Variants in EBF2 observed in about 807,000 individuals in gnomAD.
The protein encoded by EBF2 is transcription factor COE2.
EBF2 carries 21 observed loss-of-function variants against 72.8 expected under a neutral mutation model. The observed-to-expected ratio is 0.29, with a 90% CI of 0.20 to 0.42. The LOEUF (loss-of-function observed/expected upper bound fraction) is 0.42, where lower values mean the gene tolerates loss of function less well. EBF2 is among the 10% of genes least tolerant of loss of function. The probability of loss-of-function intolerance (pLI) is 1.00; values close to 1 mark genes in which losing one functional copy is unlikely to be tolerated. For synonymous variants in EBF2, 299 were observed against 274.2 expected (o/e 1.09, Z -0.89); for missense variants, 637 against 731.2 (o/e 0.87, Z 1.49).
In EBF2 at chr8:25,992,333, C is replaced by CAAA. The variant is rs36020598; in HGVS notation, c.551+40749_551+40751dup. Among the ~76,000 whole-genome samples the CAAA allele has an allele frequency of 5.1e-3, 263 of 51,708 alleles. 3 individuals are homozygous for CAAA. The highest frequency in any genetic ancestry group is 0.016 in the Middle Eastern group (1 of 64). The allele number at this position is 51,708 out of a possible 152,430, so 33.9% of individuals were successfully genotyped here. On this transcript the variant is annotated intron_variant, in intron 6 of 15. Transcript: ENST00000520164. Reference sequence around the variant, plus strand: ...TGGGCAACAGCGTGAGACTCTGTCTCAAAAAAAAAAAAAAAAAAAAAAAAG... The same window carrying CAAA: ...TGGGCAACAGCGTGAGACTCTGTCTCAAAAAAAAAAAAAAAAAAAAAAAAAAAG...
At chr8:26,019,779 AG>A (rs1223749358) in intron 6 of EBF2, among the ~76,000 whole-genome samples, 1 of 152,202 alleles carries the variant, frequency 6.6e-6, no homozygotes, top group East Asian at 1.9e-4. Flanking sequence ...TCTAAGCCAA[AG>A]CCATCTCCCA....
chr8:25,861,802 A>G (rs1348555745), intron 11 of EBF2, among the ~76,000 whole-genome samples: 1 of 152,248 alleles, frequency 6.6e-6, no homozygotes, highest in African/African-American at 2.4e-5. Flanking sequence ...TACTGAAATT[A>G]TCTTGGCAAC....
rs140408688 is a variant in EBF2, at chr8:25,990,117, C to T, written c.551+42968G>A. ...ACATCTTACTGAAACTCCAGTTTTA[C>T]ACAGCCAGTCATGTTACATAAAAAA... On this transcript the variant is annotated intron_variant, in intron 6 of 15. Coordinates refer to ENST00000520164, the MANE Select transcript of EBF2 (RefSeq NM_022659.4). 3.6e-3 allele frequency among the ~76,000 whole-genome samples: 547 copies of T among 152,128 alleles called. 3 individuals carry two copies. The highest frequency in any genetic ancestry group is 2.4e-3 in the Non-Finnish European group (164 of 67,984).
chr8:25,946,801 TTTTG>T (rs1309937969), intron 6 of EBF2, among the ~76,000 whole-genome samples: 3 of 152,202 alleles, frequency 2.0e-5, no homozygotes, highest in Non-Finnish European at 2.9e-5. Flanking sequence ...CATCATTTCT[TTTTG>T]TTTTTCAATA....
At chr8:25,864,322 C>T (rs1468602892) in intron 10 of EBF2, among the ~76,000 whole-genome samples, 1 of 152,116 alleles carries the variant, frequency 6.6e-6, no homozygotes, top group Non-Finnish European at 1.5e-5. Context: ...ATGTTAATTT[C>T]TTCTTTTATA....
In EBF2 at chr8:25,899,135, C is replaced by G. The variant is rs550920698; in HGVS notation, c.634-9266G>C. 2.0e-3 allele frequency among the ~76,000 whole-genome samples: 299 copies of G among 152,204 alleles called. 6 individuals are homozygous for G. The highest frequency in any genetic ancestry group is 3.7e-3 in the South Asian group (18 of 4,814). On this transcript the variant is annotated intron_variant, in intron 7 of 15. Transcript: ENST00000520164. ...AGACACCAAAATTTAGGGGTGGAGG[C>G]AGCAGAAGGTTCTAACAGCAGAGAA...
intron 1 of EBF2, 69 bp from the exon 2 acceptor site, chr8:26,042,320 C>T: frequency 1.3e-6 from 2 of 1,535,872 alleles, no homozygotes; most frequent in Non-Finnish European, 8.8e-7. Flanking sequence ...TACTAACCGC[C>T]CACAACACTG....
At chr8:26,011,283 T>C (rs1277279656) in intron 6 of EBF2, among the ~76,000 whole-genome samples, 1 of 152,228 alleles carries the variant, frequency 6.6e-6, no homozygotes, top group Non-Finnish European at 1.5e-5. Context: ...TAGGTTGCGT[T>C]TGTGAAACAA....
At chr8:26,010,581 G>A (rs569515105) in intron 6 of EBF2, among the ~76,000 whole-genome samples, 1 of 152,346 alleles carries the variant, frequency 6.6e-6, no homozygotes, top group African/African-American at 2.4e-5. Flanking sequence ...TGAGCACCGA[G>A]AGGAGCACAA....
intron 6 of EBF2, among the ~76,000 whole-genome samples, chr8:26,000,507 CATAA>C (rs1804706544): frequency 6.6e-6 from 1 of 152,156 alleles, no homozygotes; most frequent in African/African-American, 2.4e-5. Flanking sequence ...CCTGTTGACA[CATAA>C]ATAAACTCAC....
intron 11 of EBF2, among the ~76,000 whole-genome samples, chr8:25,861,617 C>CA (rs58809059): frequency 0.17 from 25,685 of 151,912 alleles, 2,746 homozygotes; most frequent in African/African-American, 0.3. Context: ...GTTACCAAAA[C>CA]AAAAAACAAC....
chr8:25,922,580 ATTAAG>A (rs1451900064), intron 6 of EBF2, among the ~76,000 whole-genome samples: 1 of 152,260 alleles, frequency 6.6e-6, no homozygotes, highest in Non-Finnish European at 1.5e-5. Context: ...AGATATCATT[ATTAAG>A]TCAACACACT....
chr8:25,938,943 T>A (rs1173791653), intron 6 of EBF2, among the ~76,000 whole-genome samples: 1 of 152,070 alleles, frequency 6.6e-6, no homozygotes, highest in Non-Finnish European at 1.5e-5. Context: ...GGACTGTTGC[T>A]CTTCTTCCTC....
In EBF2 at chr8:25,993,492, T is replaced by A. The variant is rs541070750; in HGVS notation, c.551+39593A>T. On this transcript the variant is annotated intron_variant, in intron 6 of 15. Coordinates refer to ENST00000520164, the MANE Select transcript of EBF2 (RefSeq NM_022659.4). ...TCTCAATTTCATTCACTGCTTTCCA[T>A]CTATACTGCCACCCTCCTGGTCTGA... Among the ~76,000 whole-genome samples the A allele has an allele frequency of 5.9e-5, 9 of 152,354 alleles. No homozygotes were observed. In the South Asian group the frequency reaches 1.4e-3, roughly 25 times the overall value.
At chr8:26,041,168 T>G (rs1300990005) in intron 2 of EBF2, 166 bp from the exon 3 acceptor site, 1 of 736,570 alleles carries the variant, frequency 1.4e-6, no homozygotes, top group Non-Finnish European at 2.2e-6. Flanking sequence ...CTGCCTGTCC[T>G]TGGCCGCCCC....
At chr8:26,005,171 G>A (rs779782057) in intron 6 of EBF2, among the ~76,000 whole-genome samples, 23 of 129,262 alleles carry the variant, frequency 1.8e-4, no homozygotes, top group Non-Finnish European at 3.6e-4. Flanking sequence ...CTGCTAAGAA[G>A]TTAGTTAGAT....
intron 14 of EBF2, among the ~76,000 whole-genome samples, chr8:25,852,483 G>A (rs1802002121): frequency 1.3e-5 from 2 of 152,102 alleles, no homozygotes; most frequent in South Asian, 4.1e-4. Context: ...TCATTGAAGA[G>A]GTTTTTACAA....
At chr8:25,975,705 GTATT>G (rs1344965102) in intron 6 of EBF2, among the ~76,000 whole-genome samples, 3 of 152,170 alleles carry the variant, frequency 2.0e-5, no homozygotes, top group Non-Finnish European at 4.4e-5. Flanking sequence ...TGTTAAATGA[GTATT>G]TATGTTCCCA....
chr8:25,940,667 G>A (rs574625764), intron 6 of EBF2, among the ~76,000 whole-genome samples: 1 of 151,296 alleles, frequency 6.6e-6, no homozygotes, highest in Non-Finnish European at 1.5e-5. Context: ...GCTTGGAGCA[G>A]TCATCTTCTT....
Sources: gnomAD v4.1 joint callset for allele counts (sites outside exome capture counted in the v4.1 genomes callset) on GRCh38, gnomAD v4.1.1 for gene constraint, MANE v1.5 for transcripts, NCBI Gene and HGNC (gene_info 2026-07-23, HGNC 2026-07-21) for gene names.